Variants in ZPLD1 observed in about 807,000 individuals in gnomAD.
ZPLD1 encodes zona pellucida like domain containing 1.
In ZPLD1, 34 loss-of-function variants were observed where a neutral mutation model predicts 47.2. That is an observed-to-expected ratio of 0.72 (90% confidence interval 0.55 to 0.96). The LOEUF (loss-of-function observed/expected upper bound fraction) is 0.96, where lower values mean the gene tolerates loss of function less well. Ranked by LOEUF, ZPLD1 falls within the 40% of genes least tolerant of loss-of-function variation. The pLI, the probability that ZPLD1 is intolerant of heterozygous loss-of-function variation, is 0.00. For synonymous variants in ZPLD1, 176 were observed against 186.2 expected (o/e 0.95, Z 0.45); for missense variants, 512 against 505.8 (o/e 1.01, Z -0.12).
At position 102,387,112 on chromosome 3, in the gene ZPLD1, C is replaced by G. The variant is rs546421630; in HGVS notation, c.-213+1795C>G. Among the ~76,000 whole-genome samples the G allele has an allele frequency of 3.3e-5, 5 of 152,156 alleles. No individual in the cohort carries two copies. In the South Asian group the frequency reaches 6.2e-4, roughly 19 times the overall value. ...GTTACTTCTGATTTTAATTATATAG[C>G]TCCATCATTCTTTCCTGTAAATTAA... On this transcript the variant is annotated intron_variant, in intron 6 of 17. Coordinates refer to the ZPLD1 transcript ENST00000491959.
chr3:102,451,559 T>C (rs750170854), intron 3 of ZPLD1, among the ~76,000 whole-genome samples: 5 of 152,218 alleles, frequency 3.3e-5, no homozygotes, highest in Non-Finnish European at 7.3e-5. Flanking sequence ...AATGATGTGA[T>C]TTGAGACAAC....
Position 102,462,530 on chromosome 3 carries a change from A to ATTACAAAGTTTAAGAGG in ZPLD1, c.680+158_680+174dup, listed in dbSNP as rs1181162254. ...GCATGCTACTAAAAAGAAATAACAG[A>ATTACAAAGTTTAAGAGG]TTACAAAGTTTAAGAGGTTACACTC... On this transcript the variant is annotated intron_variant, in intron 7 of 11. Coordinates refer to ENST00000466937, the MANE Select transcript of ZPLD1 (RefSeq NM_001329788.2). 5.6e-6 allele frequency: 3 copies of ATTACAAAGTTTAAGAGG among 540,038 alleles called. No homozygotes were observed. The African/African-American group carries it at 5.9e-5, about 11-fold the overall frequency. The allele number at this position is 540,038 out of a possible 1,614,324, so 33.5% of individuals were successfully genotyped here.
At chr3:102,401,710 A>T (rs934328265) in intron 7 of ZPLD1, among the ~76,000 whole-genome samples, 2 of 152,006 alleles carry the variant, frequency 1.3e-5, no homozygotes, top group Non-Finnish European at 2.9e-5. Context: ...TTGACTTGCT[A>T]CTCTTTGTTA....
intron 8 of ZPLD1, among the ~76,000 whole-genome samples, chr3:102,428,473 A>G (rs943334750): frequency 1.3e-5 from 2 of 152,146 alleles, no homozygotes; most frequent in African/African-American, 4.8e-5. Flanking sequence ...TTAAATTCTA[A>G]CTTAAATTCT....
chr3:102,458,138 T>C (rs1438816632), intron 6 of ZPLD1, among the ~76,000 whole-genome samples: 3 of 152,176 alleles, frequency 2.0e-5, no homozygotes, highest in Non-Finnish European at 2.9e-5. Context: ...TATTTATTTG[T>C]TTATTTAGGT....
intron 6 of ZPLD1, among the ~76,000 whole-genome samples, chr3:102,458,871 C>A (rs1707460548): frequency 6.6e-6 from 1 of 151,890 alleles, no homozygotes; most frequent in Non-Finnish European, 1.5e-5. Context: ...GGGTGGATCA[C>A]GAGGTCAGGA....
intron 8 of ZPLD1, among the ~76,000 whole-genome samples, chr3:102,423,905 T>G (rs907372947): frequency 6.6e-6 from 1 of 152,164 alleles, no homozygotes; most frequent in Non-Finnish European, 1.5e-5. Flanking sequence ...TAGCCCATTC[T>G]CTACTCTTCA....
At chr3:102,399,318 G>A (rs902323175) in intron 7 of ZPLD1, among the ~76,000 whole-genome samples, 1 of 152,102 alleles carries the variant, frequency 6.6e-6, no homozygotes, top group African/African-American at 2.4e-5. Context: ...AGGGCTATAT[G>A]TAATCTTCTC....
intron 7 of ZPLD1, among the ~76,000 whole-genome samples, chr3:102,412,799 A>G (rs1290533659): frequency 1.3e-5 from 2 of 151,618 alleles, no homozygotes; most frequent in African/African-American, 4.8e-5. Context: ...ACAGGGACAT[A>G]TGTATATATC....
At chr3:102,477,104 A>G (rs1707770013) in intron 11 of ZPLD1, 63 bp downstream of exon 11, 1 of 1,567,062 alleles carries the variant, frequency 6.4e-7, no homozygotes, top group South Asian at 1.1e-5. Context: ...ACAAAGCTGT[A>G]ATCATCTAAG....
Position 102,477,788 on chromosome 3 carries a change from T to C in ZPLD1, c.*170T>C. 1 of 567,118 alleles carries C rather than the reference T, an allele frequency of 1.8e-6. No homozygotes were observed. Among genetic ancestry groups the C allele is most frequent in the Non-Finnish European group, 2.8e-6 (1 of 355,728 alleles). The allele number at this position is 567,118 out of a possible 1,614,324, so 35.1% of individuals were successfully genotyped here. A position where few individuals can be genotyped will look rare whatever the true frequency, so the allele number is the denominator to read the frequency against. ...TGATAGTGAAAGAAGTTTATTATAT[T>C]GCTATTGTCACTTATGTACGTGGCG... On this transcript the variant is annotated 3_prime_UTR_variant, in exon 12 of 12. Transcript: ENST00000466937.
At chr3:102,425,543 A>G (rs1243967696) in intron 8 of ZPLD1, among the ~76,000 whole-genome samples, 2 of 152,090 alleles carry the variant, frequency 1.3e-5, no homozygotes, top group Admixed American at 6.6e-5. Context: ...GACAGAGATC[A>G]TTGCTAGAAC....
intron 8 of ZPLD1, among the ~76,000 whole-genome samples, chr3:102,423,002 A>G (rs1451490594): frequency 2.6e-5 from 4 of 152,080 alleles, no homozygotes; most frequent in Admixed American, 1.3e-4. Context: ...TTTGATCAGG[A>G]AAGAGCCACA....
rs1576171935 is a variant in ZPLD1 at position 102,477,171 on chromosome 3, G to T, written c.1072+130G>T. On this transcript the variant is annotated intron_variant, in intron 11 of 11. Transcript: ENST00000466937. ...CATTTTAGATAACAGTTCACTGAGG[G>T]TTTTCAAACTCATATGTGATCTATT... 4.7e-6 allele frequency: 5 copies of T among 1,062,550 alleles called. No homozygotes were observed. In the East Asian group the frequency reaches 9.6e-5, roughly 20 times the overall value. The allele number at this position is 1,062,550 out of a possible 1,614,324, so 65.8% of individuals were successfully genotyped here.
At chr3:102,433,057 G>T (rs1707035512), upstream of ZPLD1, among the ~76,000 whole-genome samples, 2 of 152,160 alleles carry the variant, frequency 1.3e-5, no homozygotes, top group Admixed American at 1.3e-4. Flanking sequence ...AAGTTAGAAT[G>T]TAAGTTCTAT....
At chr3:102,433,102 A>G (rs1483455320), upstream of ZPLD1, among the ~76,000 whole-genome samples, 1 of 152,188 alleles carries the variant, frequency 6.6e-6, no homozygotes, top group Non-Finnish European at 1.5e-5. Flanking sequence ...TGATTGCTGT[A>G]CCTCAGCATC....
intron 7 of ZPLD1, among the ~76,000 whole-genome samples, chr3:102,414,413 A>G (rs1048684475): frequency 5.9e-5 from 9 of 151,886 alleles, no homozygotes; most frequent in Non-Finnish European, 1.0e-4. Context: ...TTTATTGTCA[A>G]ATAGGACAGT....
chr3:102,420,732 T>C (rs1706867510), intron 8 of ZPLD1, among the ~76,000 whole-genome samples: 1 of 151,884 alleles, frequency 6.6e-6, no homozygotes, highest in Admixed American at 6.6e-5. Flanking sequence ...ATTTTAATTT[T>C]CTGGAACTCA....
intron 1 of ZPLD1, among the ~76,000 whole-genome samples, chr3:102,436,296 G>T (rs1278741942): frequency 6.6e-6 from 1 of 151,940 alleles, no homozygotes; most frequent in African/African-American, 2.4e-5. Flanking sequence ...TAATTTTTTT[G>T]CTGTTTTCAC....
Sources: allele counts gnomAD v4.1 joint callset (sites outside exome capture counted in the v4.1 genomes callset), GRCh38; gene constraint gnomAD v4.1.1; transcripts MANE v1.5; gene names NCBI Gene and HGNC (gene_info 2026-07-23, HGNC 2026-07-21).